The following EBF3 variants were observed in gnomAD, a reference collection of about 807,000 sequenced individuals.
EBF3 encodes the protein transcription factor COE3.
Under a neutral mutation model 77.1 loss-of-function variants are expected in EBF3, and 18 were observed. That is an observed-to-expected ratio of 0.23 (90% confidence interval 0.16 to 0.35). The LOEUF (loss-of-function observed/expected upper bound fraction) is 0.35. Ranked by LOEUF, EBF3 falls within the 10% of genes least tolerant of loss-of-function variation. EBF3 has a pLI of 1.00. For missense variants in EBF3, 558 were observed against 860.0 expected, an observed-to-expected ratio of 0.65 and a Z score of 4.39; for synonymous variants, 350 against 343.5, an observed-to-expected ratio of 1.02 and a Z score of -0.21.
intron 6 of EBF3, among the ~76,000 whole-genome samples, chr10:129,936,459 T>C (rs1370978364): frequency 6.6e-6 from 1 of 152,140 alleles, no homozygotes; most frequent in Non-Finnish European, 1.5e-5. Context: ...CCACGGGAAG[T>C]AGGGCTGGCC....
intron 6 of EBF3, among the ~76,000 whole-genome samples, chr10:129,940,191 G>A (rs780658194): frequency 2.0e-5 from 3 of 152,164 alleles, no homozygotes; most frequent in South Asian, 2.1e-4. Context: ...GGCTCTGTGC[G>A]TGCCCACAGC....
rs1164635570 is a variant in EBF3 at position 129,943,471 on chromosome 10, T to C, written c.554+13787A>G. Among the ~76,000 whole-genome samples, 5 of 152,200 alleles carry C rather than the reference T, an allele frequency of 3.3e-5. No homozygotes were observed. The highest frequency in any genetic ancestry group is 2.0e-4 in the Admixed American group (3 of 15,280). On this transcript the variant is annotated intron_variant, in intron 6 of 16. Transcript: ENST00000440978. This position sits in a 1 kb window ranked among gnomAD's most constrained non-coding sequence, Gnocchi z 8.8. The stretch of plus-strand genomic sequence containing the variant: ...CCCTTGGGATTTGTGGTTTTCTCCA[T>C]CATTATATAACTGTAAACTTCTGGA...
intron 10 of EBF3, among the ~76,000 whole-genome samples, chr10:129,858,303 G>A (rs1851393958): frequency 2.0e-5 from 3 of 152,284 alleles, no homozygotes; most frequent in African/African-American, 7.2e-5. Context: ...CCTATGGCCT[G>A]TTTACAGTCT....
chr10:129,895,364 T>C (rs993615343), intron 6 of EBF3, among the ~76,000 whole-genome samples: 1 of 152,164 alleles, frequency 6.6e-6, no homozygotes, highest in Non-Finnish European at 1.5e-5. Flanking sequence ...CAAGGCTTCG[T>C]ATGCCTCCCG....
chr10:129,843,866 G>A (rs1447157783), intron 11 of EBF3, among the ~76,000 whole-genome samples: 4 of 152,236 alleles, frequency 2.6e-5, no homozygotes, highest in East Asian at 1.9e-4. Context: ...GAGTGTGCGC[G>A]CTGTGCCTGG....
At position 129,963,153 on chromosome 10, in the gene EBF3, G is replaced by T; in HGVS notation, c.292-148C>A. 8.1e-7 allele frequency: 1 copy of T among 1,228,238 alleles called. No individual in the cohort carries two copies. Among genetic ancestry groups the T allele is most frequent in the Non-Finnish European group, 1.2e-6 (1 of 857,350 alleles). 76.1% of individuals were successfully genotyped at this position (1,228,238 alleles called of 1,614,324 possible). On this transcript the variant is annotated intron_variant, in intron 2 of 16. Coordinates refer to ENST00000440978, the MANE Select transcript of EBF3 (RefSeq NM_001375380.1). This position sits in a 1 kb window ranked among gnomAD's most constrained non-coding sequence, Gnocchi z 7.1. ...AGCGCGGTGATGTCACTTTCCTGCT[G>T]GAAGCCCAGCGTTCTCCTCGCCCCG...
At chr10:129,931,546 G>A (rs1387331444) in intron 6 of EBF3, among the ~76,000 whole-genome samples, 2 of 152,256 alleles carry the variant, frequency 1.3e-5, no homozygotes, top group Non-Finnish European at 2.9e-5. Context: ...CCCAACAGTT[G>A]ACTTCCCTGT....
chr10:129,848,454 C>T lies in EBF3; in HGVS notation c.1066G>A (p.Gly356Ser). Reference sequence around the variant, plus strand: ...ATCACTTTCTGCAACCTCTGAAAGCCGTAATCTATGGTTGGTTCATTAAGG... The same window carrying T: ...ATCACTTTCTGCAACCTCTGAAAGCTGTAATCTATGGTTGGTTCATTAAGG... Reference protein sequence around the residue: ...TALNEPTIDYGFQRLQKVIPR... With the variant: ...TALNEPTIDYSFQRLQKVIPR... Residue 356 changes from glycine to serine, a missense_variant, in exon 11 of 17, where the codon GGC becomes AGC. This residue lies in a region of EBF3 where 112 missense variants were observed against 207.7 expected (regional missense o/e 0.54). Coordinates refer to ENST00000440978, the MANE Select transcript of EBF3 (RefSeq NM_001375380.1). The surrounding 1 kb of genome is among the most constrained non-coding windows in gnomAD (Gnocchi z 4.4). The T allele has an allele frequency of 6.2e-7, 1 of 1,614,174 alleles. No homozygotes were observed.
At chr10:129,857,296 G>A (rs138502947) in intron 10 of EBF3, among the ~76,000 whole-genome samples, 126 of 152,186 alleles carry the variant, frequency 8.3e-4, no homozygotes, top group African/African-American at 2.8e-3. Flanking sequence ...TTTCCACATA[G>A]GGGTTCCCAA....
intron 15 of EBF3, among the ~76,000 whole-genome samples, chr10:129,839,514 C>T (rs1217186356): frequency 6.6e-6 from 1 of 152,056 alleles, no homozygotes; most frequent in African/African-American, 2.4e-5. Context: ...CTGTGGACAG[C>T]TGTGCCCTCG....
In EBF3 at chr10:129,842,014, G is replaced by A. The variant is rs1850097747; in HGVS notation, c.1372+102C>T. 2 of 1,475,242 alleles carry A rather than the reference G, an allele frequency of 1.4e-6. No individual in the cohort carries two copies. Among genetic ancestry groups the A allele is most frequent in the African/African-American group, 1.4e-5 (1 of 72,158 alleles). The allele number at this position is 1,475,242 out of a possible 1,614,324, so 91.4% of individuals were successfully genotyped here. On this transcript the variant is annotated intron_variant, in intron 13 of 16. Coordinates refer to ENST00000440978, the MANE Select transcript of EBF3 (RefSeq NM_001375380.1). The surrounding 1 kb of genome is among the most constrained non-coding windows in gnomAD (Gnocchi z 4.4). The stretch of plus-strand genomic sequence containing the variant: ...GAGCCAGAGAGAACAGAACGCTACG[G>A]ACATTCCCCAGCTGGCCCTGGACAC...
chr10:129,848,298 AT>A lies in EBF3; in HGVS notation c.1128+93del, dbSNP rs1850617741. On this transcript the variant is annotated intron_variant, in intron 11 of 16. Coordinates refer to ENST00000440978, the MANE Select transcript of EBF3 (RefSeq NM_001375380.1). This position sits in a 1 kb window ranked among gnomAD's most constrained non-coding sequence, Gnocchi z 4.4. ...GGGCACAGAGTTTGGGGAATCTGCAATCCCCCCTTCCCAGAGCACCTGCTGC... is the reference window on the plus strand; with the variant it reads ...GGGCACAGAGTTTGGGGAATCTGCAACCCCCCTTCCCAGAGCACCTGCTGC... 1.3e-5 allele frequency: 17 copies of A among 1,305,592 alleles called. No homozygotes were observed. Among genetic ancestry groups the A allele is most frequent in the Non-Finnish European group, 1.7e-5 (15 of 901,096 alleles). 80.9% of individuals were successfully genotyped at this position (1,305,592 alleles called of 1,614,324 possible).
At chr10:129,858,433 G>A (rs1851403955) in intron 10 of EBF3, among the ~76,000 whole-genome samples, 1 of 152,202 alleles carries the variant, frequency 6.6e-6, no homozygotes, top group Admixed American at 6.5e-5. Flanking sequence ...TCAGGTTGGT[G>A]CCTGTTTGGA....
Position 129,963,300 on chromosome 10 carries a change from G to A in EBF3, c.291+67C>T, listed in dbSNP as rs1056179807. ...CGCCTAGGGGGGCACTCGAACCCCC[G>A]CGCACCGGCACCGCCTGCCTCCCGC... On this transcript the variant is annotated intron_variant, in intron 2 of 16. Transcript: ENST00000440978. The surrounding 1 kb of genome is among the most constrained non-coding windows in gnomAD (Gnocchi z 7.1). The A allele has an allele frequency of 5.2e-6, 8 of 1,543,576 alleles. No homozygotes were observed. Among genetic ancestry groups the A allele is most frequent in the Non-Finnish European group, 7.0e-6 (8 of 1,147,714 alleles).
At chr10:129,895,246 G>A (rs1373150288) in intron 6 of EBF3, among the ~76,000 whole-genome samples, 1 of 152,230 alleles carries the variant, frequency 6.6e-6, no homozygotes, top group African/African-American at 2.4e-5. Flanking sequence ...CAGGAGTTTG[G>A]GAAGCCACCT....
At position 129,877,775 on chromosome 10, in the gene EBF3, C is replaced by T. The variant is rs1363246881; in HGVS notation, c.629G>A (p.Arg210Lys). The change falls in exon 7 of 17, where the codon AGA becomes AAA. Residue 210 changes from arginine (R) to lysine (K), a missense_variant. By Grantham distance (26) the Arg-to-Lys change is conservative (BLOSUM62 2). Transcript: ENST00000440978. ...KNAGNPRDMR[R>K]FQVVVSTTVN... ...TCTTTGAGAAATGTATACCTGGAAT[C>T]TCCGCATATCTCGAGGGTTGCCTGC... 6.2e-7 allele frequency: 1 copy of T among 1,613,446 alleles called. No individual in the cohort carries two copies. The highest frequency in any genetic ancestry group is 8.5e-7 in the Non-Finnish European group (1 of 1,179,816).
At chr10:129,931,071 T>C (rs1856997414) in intron 6 of EBF3, among the ~76,000 whole-genome samples, 1 of 151,948 alleles carries the variant, frequency 6.6e-6, no homozygotes, top group Admixed American at 6.6e-5. Context: ...TCTGTATCTA[T>C]ATCTGTCTAT....
At chr10:129,855,571 G>C (rs962065923) in intron 10 of EBF3, among the ~76,000 whole-genome samples, 4 of 152,152 alleles carry the variant, frequency 2.6e-5, no homozygotes, top group Admixed American at 2.0e-4. Flanking sequence ...CACTTCCCAA[G>C]GCGGAGGTTC....
intron 4 of EBF3, among the ~76,000 whole-genome samples, 159 bp downstream of exon 4, chr10:129,962,012 T>A (rs1367602583): frequency 6.6e-6 from 1 of 152,214 alleles, no homozygotes; most frequent in African/African-American, 2.4e-5. Flanking sequence ...TACCAATCGC[T>A]TCATTCATTC....
Sources: gnomAD v4.1 joint callset for allele counts (sites outside exome capture counted in the v4.1 genomes callset) on GRCh38, gnomAD v4.1.1 for gene constraint, gnomAD v4.1.1 regional missense constraint, Gnocchi (gnomAD v3.1) non-coding constraint, MANE v1.5 for transcripts, NCBI Gene and HGNC (gene_info 2026-07-23, HGNC 2026-07-21) for gene names.